GKAP1: variants seen among roughly 807,000 people sequenced by gnomAD.
The protein encoded by GKAP1 is G kinase anchoring protein 1, also known as G kinase-anchoring protein 1.
A neutral mutation model predicts 56.7 loss-of-function variants in GKAP1; 31 were observed. That is an observed-to-expected ratio of 0.55 (90% CI 0.41 to 0.74). The LOEUF (loss-of-function observed/expected upper bound fraction) is 0.74. Ranked by LOEUF, GKAP1 falls within the 30% of genes least tolerant of loss-of-function variation. GKAP1 has a pLI of 0.00. For synonymous variants in GKAP1, 151 were observed against 138.6 expected (o/e 1.09, Z -0.63); for missense variants, 364 against 402.3 (o/e 0.90, Z 0.82).
intron 3 of GKAP1, among the ~76,000 whole-genome samples, chr9:83,802,289 GC>G (rs1554746283): frequency 6.6e-6 from 1 of 151,932 alleles, no homozygotes; most frequent in Non-Finnish European, 1.5e-5. Flanking sequence ...GACCAGCCTG[GC>G]CAATATTGTG....
chr9:83,742,134 G>T, intron 11 of GKAP1, 105 bp from the exon 12 acceptor site: 1 of 702,642 alleles, frequency 1.4e-6, no homozygotes. Context: ...AAATGGATGA[G>T]TAACAGAGAA....
At chr9:83,814,323 C>CT (rs1944553167) in intron 2 of GKAP1, among the ~76,000 whole-genome samples, 1 of 152,186 alleles carries the variant, frequency 6.6e-6, no homozygotes, top group African/African-American at 2.4e-5. Flanking sequence ...TTGTTCATAT[C>CT]TTTAACTATG....
chr9:83,799,477 T>C (rs1446778838), intron 3 of GKAP1, 149 bp from the exon 4 acceptor site: 1 of 592,656 alleles, frequency 1.7e-6, no homozygotes, highest in African/African-American at 1.9e-5. Flanking sequence ...TTATTATTTG[T>C]GTTTTCTATA....
intron 10 of GKAP1, among the ~76,000 whole-genome samples, chr9:83,745,415 T>G (rs1943276487): frequency 6.6e-6 from 1 of 152,194 alleles, no homozygotes; most frequent in Non-Finnish European, 1.5e-5. Flanking sequence ...ACATTTACAT[T>G]ATAAGTGTTA....
chr9:83,815,208 T>G (rs111284513), intron 2 of GKAP1, among the ~76,000 whole-genome samples: 1 of 151,924 alleles, frequency 6.6e-6, no homozygotes, highest in Admixed American at 6.6e-5. Flanking sequence ...TTAAGAGAAC[T>G]AGGATGCATT....
intron 4 of GKAP1, among the ~76,000 whole-genome samples, chr9:83,793,265 A>T (rs1944192334): frequency 6.6e-6 from 1 of 152,212 alleles, no homozygotes; most frequent in Non-Finnish European, 1.5e-5. Context: ...TATAAAACAA[A>T]AGAGATCACC....
At chr9:83,765,462 G>T (rs1342560779) in intron 8 of GKAP1, among the ~76,000 whole-genome samples, 1 of 152,212 alleles carries the variant, frequency 6.6e-6, no homozygotes, top group Non-Finnish European at 1.5e-5. Context: ...GCAGAGCTAT[G>T]AGAAGGAACC....
intron 10 of GKAP1, among the ~76,000 whole-genome samples, chr9:83,746,721 A>AT (rs767116264): frequency 2.7e-4 from 28 of 104,108 alleles, no homozygotes; most frequent in East Asian, 6.0e-4. Context: ...ATAAATAACA[A>AT]TTTAAAAAAA....
At chr9:83,774,246 A>G (rs1243682401) in intron 7 of GKAP1, among the ~76,000 whole-genome samples, 2 of 152,202 alleles carry the variant, frequency 1.3e-5, no homozygotes, top group African/African-American at 4.8e-5. Flanking sequence ...ATCCTAGAAT[A>G]AAACCTAGGA....
At chr9:83,815,479 T>C (rs1414315519) in intron 2 of GKAP1, among the ~76,000 whole-genome samples, 3 of 151,748 alleles carry the variant, frequency 2.0e-5, no homozygotes, top group African/African-American at 7.3e-5. Flanking sequence ...ACATTGCCAT[T>C]ATGACCTTAT....
intron 4 of GKAP1, among the ~76,000 whole-genome samples, chr9:83,798,812 C>T (rs537184107): frequency 6.6e-6 from 1 of 152,204 alleles, no homozygotes; most frequent in South Asian, 2.1e-4. Flanking sequence ...CACCTGTAGG[C>T]TGTACACACC....
intron 2 of GKAP1, among the ~76,000 whole-genome samples, chr9:83,808,640 C>T (rs1317625473): frequency 2.6e-5 from 4 of 152,126 alleles, no homozygotes; most frequent in Non-Finnish European, 4.4e-5. Context: ...TTCTTGAGCA[C>T]TCAAGGTACA....
intron 7 of GKAP1, 51 bp from the exon 8 acceptor site, chr9:83,769,021 A>C: frequency 7.1e-7 from 1 of 1,413,432 alleles, no homozygotes; most frequent in Non-Finnish European, 9.8e-7. Flanking sequence ...ACTGATATGC[A>C]TTTAATACAC....
intron 4 of GKAP1, among the ~76,000 whole-genome samples, chr9:83,794,956 G>T (rs1944219883): frequency 6.6e-6 from 1 of 151,884 alleles, no homozygotes; most frequent in African/African-American, 2.4e-5. Context: ...AGGAGTTCGA[G>T]ACCAGCCTGG....
chr9:83,747,898 AAGTGCT>A (rs1471123820), intron 10 of GKAP1, among the ~76,000 whole-genome samples: 1 of 152,142 alleles, frequency 6.6e-6, no homozygotes, highest in Non-Finnish European at 1.5e-5. Flanking sequence ...TGGCCTCCCA[AAGTGCT>A]AGGATTACAG....
chr9:83,789,704 T>TG (rs1944122960), intron 4 of GKAP1, among the ~76,000 whole-genome samples: 1 of 152,006 alleles, frequency 6.6e-6, no homozygotes, highest in African/African-American at 2.4e-5. Flanking sequence ...TGACAAAAGG[T>TG]GGGGGCAAGT....
Position 83,768,872 on chromosome 9 carries a change from T to C in GKAP1, c.684A>G (p.Glu228=). The stretch of plus-strand genomic sequence containing the variant: ...CTGTTCCATTATATTCTGTAAGCTG[T>C]TCTCTTCGTTTTTCTCTAATAAGAA... ...HKILIREKRR[E]QLTEYNGTDN... The change falls in exon 8 of 13, where the codon GAA becomes GAG. Residue 228 remains glutamate, a synonymous_variant. Transcript: ENST00000376371. 1 of 1,612,614 alleles carries C rather than the reference T, an allele frequency of 6.2e-7. No homozygotes were observed. The highest frequency in any genetic ancestry group is 8.5e-7 in the Non-Finnish European group (1 of 1,179,368).
intron 4 of GKAP1, among the ~76,000 whole-genome samples, chr9:83,791,636 T>C (rs921097878): frequency 1.3e-5 from 2 of 152,234 alleles, no homozygotes; most frequent in Admixed American, 6.5e-5. Flanking sequence ...AGGATTCATT[T>C]AGAGTCTTCT....
chr9:83,788,612 C>T lies in GKAP1; in HGVS notation c.427G>A (p.Glu143Lys), dbSNP rs779955656. 2.5e-6 allele frequency: 4 copies of T among 1,576,022 alleles called. No individual in the cohort carries two copies. The highest frequency in any genetic ancestry group is 1.3e-5 in the African/African-American group (1 of 74,098). Residue 143 changes from glutamate to lysine, a missense_variant, in exon 5 of 13, where the codon GAG becomes AAG. Physicochemically the swap from Glu to Lys is moderately conservative, Grantham distance 56. Transcript: ENST00000376371. ...ALLLSKLEYEEHKKEYEDAEN... is the reference protein window; with the variant it reads ...ALLLSKLEYEKHKKEYEDAEN... ...AAGTATGTAAATACCTTTTTGTGCT[C>T]TTCATATTCTAGTTTACTTAGTAAC...
Sources: gnomAD v4.1 joint callset for allele counts (sites outside exome capture counted in the v4.1 genomes callset) on GRCh38, gnomAD v4.1.1 for gene constraint, MANE v1.5 for transcripts, NCBI Gene and HGNC (gene_info 2026-07-23, HGNC 2026-07-21) for gene names.